CENPW: variants seen among roughly 807,000 people sequenced by gnomAD.
CENPW encodes centromere protein W.
A neutral mutation model predicts 11.1 loss-of-function variants in CENPW; 3 were observed. That is an observed-to-expected ratio of 0.27 (90% CI 0.12 to 0.70). The LOEUF is 0.70. Among genes scored for constraint, CENPW ranks in the 30% least tolerant of loss-of-function variants. CENPW has a pLI of 0.77. For synonymous variants in CENPW, 38 were observed against 42.0 expected, an observed-to-expected ratio of 0.91 and a Z score of 0.37; for missense variants, 100 against 105.6, an observed-to-expected ratio of 0.95 and a Z score of 0.23.
At chr6:126,453,897 G>A in the CENPW span, among the ~76,000 whole-genome samples, 1 of 150,912 alleles carries the variant, frequency 6.6e-6, no homozygotes, top group African/African-American at 2.4e-5. Flanking sequence ...AAAAAGCAAG[G>A]GTTGTAAGTC....
chr6:126,441,602 C>A, the CENPW span, among the ~76,000 whole-genome samples: 1 of 151,388 alleles, frequency 6.6e-6, no homozygotes, highest in Admixed American at 6.6e-5. Flanking sequence ...GTCCCTCACC[C>A]CTCTCCCACC....
At chr6:126,359,693 A>G in the CENPW span, among the ~76,000 whole-genome samples, 2 of 151,318 alleles carry the variant, frequency 1.3e-5, no homozygotes, top group East Asian at 1.9e-4. Context: ...TGTCCTTCCT[A>G]ATAGTTAGTG....
At chr6:126,481,452 A>G in the CENPW span, among the ~76,000 whole-genome samples, 112,066 of 151,978 alleles carry the variant, frequency 0.74, 42,106 homozygotes, top group East Asian at 1. Context: ...GGCTGCATCT[A>G]GTGAAATCCT....
chr6:126,412,899 T>A, the CENPW span, among the ~76,000 whole-genome samples: 18 of 152,122 alleles, frequency 1.2e-4, no homozygotes, highest in African/African-American at 4.3e-4. Context: ...GAGCTGGGGT[T>A]TGGGAGGGAA....
the CENPW span, among the ~76,000 whole-genome samples, chr6:126,454,336 G>A: frequency 1.3e-5 from 2 of 151,226 alleles, no homozygotes; most frequent in Admixed American, 6.6e-5. Flanking sequence ...ACAGTCCTCA[G>A]CAAATTCAAA....
At chr6:126,443,375 GTTC>G in the CENPW span, among the ~76,000 whole-genome samples, 1 of 151,064 alleles carries the variant, frequency 6.6e-6, no homozygotes, top group Non-Finnish European at 1.5e-5. Context: ...TATTCAATAT[GTTC>G]TTCTTTTCTC....
At chr6:126,365,486 T>C in the CENPW span, among the ~76,000 whole-genome samples, 1 of 152,058 alleles carries the variant, frequency 6.6e-6, no homozygotes, top group Admixed American at 6.5e-5. Flanking sequence ...GGGGAGACAC[T>C]ACACACTTTC....
chr6:126,426,835 A>T, the CENPW span, among the ~76,000 whole-genome samples: 1 of 152,206 alleles, frequency 6.6e-6, no homozygotes, highest in Non-Finnish European at 1.5e-5. Context: ...GGATTATGCT[A>T]GTAACAGATG....
the CENPW span, among the ~76,000 whole-genome samples, chr6:126,459,093 C>T: frequency 3.3e-5 from 5 of 151,294 alleles, no homozygotes; most frequent in South Asian, 2.1e-4. Context: ...TCTTTCATTG[C>T]TATTTAATTA....
chr6:126,461,469 T>C, the CENPW span, among the ~76,000 whole-genome samples: 1 of 151,882 alleles, frequency 6.6e-6, no homozygotes, highest in East Asian at 1.9e-4. Context: ...TCCCAAATAC[T>C]AAGCTATTTC....
At chr6:126,378,841 A>ATGATTTT in the CENPW span, among the ~76,000 whole-genome samples, 1 of 152,200 alleles carries the variant, frequency 6.6e-6, no homozygotes, top group African/African-American at 2.4e-5. Context: ...TCTTTAAGAA[A>ATGATTTT]AAAATCACAT....
At chr6:126,447,367 G>A in the CENPW span, among the ~76,000 whole-genome samples, 1 of 151,156 alleles carries the variant, frequency 6.6e-6, no homozygotes. Flanking sequence ...ATTATCAATT[G>A]TGCTGTAAAC....
chr6:126,353,174 C>T (rs907144313), downstream of CENPW, among the ~76,000 whole-genome samples: 6 of 151,214 alleles, frequency 4.0e-5, no homozygotes, highest in Non-Finnish European at 7.4e-5. Context: ...TCACATTTAC[C>T]GTTTTCTTTG....
the CENPW span, among the ~76,000 whole-genome samples, chr6:126,477,766 C>A: frequency 6.6e-6 from 1 of 152,012 alleles, no homozygotes; most frequent in Non-Finnish European, 1.5e-5. Flanking sequence ...CAAATTTCAG[C>A]AAATTGTCTT....
chr6:126,384,459 C>G, the CENPW span, among the ~76,000 whole-genome samples: 31 of 151,994 alleles, frequency 2.0e-4, no homozygotes, highest in Non-Finnish European at 3.7e-4. Context: ...ATAGAGAGCC[C>G]AGAAATAAGA....
intron 2 of CENPW, among the ~76,000 whole-genome samples, chr6:126,346,671 C>T (rs1780416748): frequency 1.3e-5 from 2 of 152,178 alleles, no homozygotes; most frequent in Middle Eastern, 3.4e-3. Flanking sequence ...TTTCACACTG[C>T]TATAAAGAAA....
chr6:126,383,235 T>C, the CENPW span, among the ~76,000 whole-genome samples: 1 of 152,206 alleles, frequency 6.6e-6, no homozygotes, highest in South Asian at 2.1e-4. Flanking sequence ...TGAGGGAATT[T>C]GTTCCCACCA....
chr6:126,440,005 A>G, the CENPW span, among the ~76,000 whole-genome samples: 98 of 151,788 alleles, frequency 6.5e-4, 1 homozygote, highest in African/African-American at 2.3e-3. Context: ...AGAATTATGA[A>G]ATGTCTAAGT....
chr6:126,385,780 C>T, the CENPW span, among the ~76,000 whole-genome samples: 209 of 152,194 alleles, frequency 1.4e-3, no homozygotes, highest in Middle Eastern at 6.8e-3. Flanking sequence ...CCTTGCTTCC[C>T]CTTCGCTTTC....
Sources: gnomAD v4.1 joint callset for allele counts (sites outside exome capture counted in the v4.1 genomes callset) on GRCh38, gnomAD v4.1.1 for gene constraint, MANE v1.5 for transcripts, NCBI Gene and HGNC (gene_info 2026-07-23, HGNC 2026-07-21) for gene names.